The following RANBP17 variants were observed in gnomAD, a reference collection of about 807,000 sequenced individuals.
RANBP17 encodes the protein ran-binding protein 17.
Under a neutral mutation model 141.2 loss-of-function variants are expected in RANBP17, and 158 were observed. That is an observed-to-expected ratio of 1.12 (90% CI 0.98 to 1.28). The LOEUF (loss-of-function observed/expected upper bound fraction) is 1.28. Among genes scored for constraint, RANBP17 ranks in the 50% most tolerant of loss-of-function variants. The pLI, the probability that RANBP17 is intolerant of heterozygous loss-of-function variation, is 0.00. For missense variants in RANBP17, 1,438 were observed against 1,290.7 expected, an observed-to-expected ratio of 1.11 and a Z score of -1.75; for synonymous variants, 430 against 450.0, an observed-to-expected ratio of 0.96 and a Z score of 0.56.
At chr5:170,894,604 C>T (rs1769953450) in intron 4 of RANBP17, among the ~76,000 whole-genome samples, 1 of 151,154 alleles carries the variant, frequency 6.6e-6, no homozygotes, top group Non-Finnish European at 1.5e-5. Flanking sequence ...GTATTAGCAG[C>T]TTTTGTGAAT....
intron 14 of RANBP17, among the ~76,000 whole-genome samples, chr5:170,997,237 G>T (rs1778877549): frequency 6.6e-6 from 1 of 152,182 alleles, no homozygotes; most frequent in African/African-American, 2.4e-5. Flanking sequence ...GCAGAACTGG[G>T]AGTCAATTAA....
intron 24 of RANBP17, among the ~76,000 whole-genome samples, chr5:171,264,502 A>G (rs1561812080): frequency 6.6e-6 from 1 of 152,190 alleles, no homozygotes. Context: ...ACAATGGACA[A>G]GTCACCTAAG....
Position 171,242,688 on chromosome 5 carries a change from C to T in RANBP17, c.2644C>T (p.Arg882Trp), listed in dbSNP as rs149760083. The T allele has an allele frequency of 1.0e-3, 1,673 of 1,613,256 alleles. 1 individual carries two copies. Among genetic ancestry groups the T allele is most frequent in the Non-Finnish European group, 1.3e-3 (1,504 of 1,179,746 alleles). The part of the protein sequence containing the change: ...SVSHSDLLQY[R>W]KLSQSYYPLL... ...GTATATCTCTGTGTTGTAGCAATAC[C>T]GGAAACTGAGCCAGTCTTATTATCC... is the stretch of plus-strand genomic sequence containing the variant. Residue 882 changes from arginine to tryptophan, a missense_variant, in exon 24 of 28, where the codon CGG becomes TGG. By Grantham distance (101) the Arg-to-Trp change is moderately radical (BLOSUM62 -3). Coordinates refer to ENST00000523189, the MANE Select transcript of RANBP17 (RefSeq NM_022897.5).
At chr5:171,178,735 T>G (rs1307467111) in intron 16 of RANBP17, among the ~76,000 whole-genome samples, 1 of 152,216 alleles carries the variant, frequency 6.6e-6, no homozygotes, top group Non-Finnish European at 1.5e-5. Flanking sequence ...AGATGGTATC[T>G]CATTGTGGTT....
intron 13 of RANBP17, among the ~76,000 whole-genome samples, chr5:170,967,458 G>C (rs1179927601): frequency 6.6e-6 from 1 of 151,800 alleles, no homozygotes; most frequent in Non-Finnish European, 1.5e-5. Context: ...GTTAGCACAA[G>C]GTACTTGGCG....
At chr5:171,172,837 T>C (rs1225052477) in intron 16 of RANBP17, among the ~76,000 whole-genome samples, 1 of 151,866 alleles carries the variant, frequency 6.6e-6, no homozygotes, top group African/African-American at 2.4e-5. Context: ...TCTATCCTAT[T>C]AAGCCTATTA....
intron 24 of RANBP17, among the ~76,000 whole-genome samples, chr5:171,261,082 A>AC (rs1554125336): frequency 0.027 from 843 of 31,726 alleles, 11 homozygotes; most frequent in African/African-American, 0.049. Flanking sequence ...TTCACCCCCC[A>AC]CCCCCCCCAA....
intron 20 of RANBP17, among the ~76,000 whole-genome samples, chr5:171,210,333 CCTCT>C (rs553581845): frequency 3.2e-4 from 48 of 152,130 alleles, no homozygotes; most frequent in Non-Finnish European, 5.6e-4. Context: ...GTGGCAGTCA[CCTCT>C]GTCAGAAGCA....
chr5:171,122,731 G>A (rs1399922459), intron 14 of RANBP17, among the ~76,000 whole-genome samples: 2 of 152,156 alleles, frequency 1.3e-5, no homozygotes, highest in Non-Finnish European at 2.9e-5. Flanking sequence ...TGTAGTCCAC[G>A]CAGTGGCATT....
intron 13 of RANBP17, among the ~76,000 whole-genome samples, chr5:170,965,318 G>A (rs1019736691): frequency 1.3e-5 from 2 of 151,046 alleles, no homozygotes; most frequent in African/African-American, 4.9e-5. Flanking sequence ...AGATGAGTAG[G>A]TTGCGAAAAT....
intron 14 of RANBP17, among the ~76,000 whole-genome samples, chr5:170,973,427 C>G (rs1272514964): frequency 6.6e-6 from 1 of 151,996 alleles, no homozygotes; most frequent in African/African-American, 2.4e-5. Context: ...AAGCTAAGCT[C>G]TAAACTCAGA....
At chr5:170,868,911 C>A (rs1767486468) in intron 1 of RANBP17, among the ~76,000 whole-genome samples, 1 of 152,152 alleles carries the variant, frequency 6.6e-6, no homozygotes, top group African/African-American at 2.4e-5. Context: ...CTTTATACGT[C>A]TAGATAATAC....
intron 16 of RANBP17, among the ~76,000 whole-genome samples, chr5:171,173,681 G>C (rs1418221386): frequency 6.6e-6 from 1 of 152,100 alleles, no homozygotes; most frequent in African/African-American, 2.4e-5. Flanking sequence ...CCTTAAAGCA[G>C]TAGTCTCAGA....
intron 14 of RANBP17, among the ~76,000 whole-genome samples, chr5:171,001,702 T>C (rs1779210000): frequency 6.6e-6 from 1 of 152,030 alleles, no homozygotes; most frequent in Non-Finnish European, 1.5e-5. Flanking sequence ...TCCTGAAGAT[T>C]GAGGATGGTA....
At chr5:170,989,199 G>A (rs1778346109) in intron 14 of RANBP17, among the ~76,000 whole-genome samples, 1 of 151,736 alleles carries the variant, frequency 6.6e-6, no homozygotes, top group Non-Finnish European at 1.5e-5. Flanking sequence ...ATTGACTTAA[G>A]TATCTTGCTT....
At chr5:171,230,717 G>A (rs1291677456) in intron 22 of RANBP17, among the ~76,000 whole-genome samples, 4 of 152,026 alleles carry the variant, frequency 2.6e-5, no homozygotes, top group Non-Finnish European at 4.4e-5. Flanking sequence ...AGCTGAGATC[G>A]CACCTTTGCA....
At chr5:171,046,205 CTT>C (rs1203505195) in intron 14 of RANBP17, among the ~76,000 whole-genome samples, 8 of 131,304 alleles carry the variant, frequency 6.1e-5, no homozygotes, top group Middle Eastern at 3.8e-3. Context: ...ATAGTTCTGC[CTT>C]TTTTTTTTTT....
chr5:171,124,025 T>TC (rs1380799180), intron 14 of RANBP17, among the ~76,000 whole-genome samples: 5 of 150,696 alleles, frequency 3.3e-5, no homozygotes, highest in African/African-American at 9.8e-5. Context: ...AAGTAACAGA[T>TC]CCCCAAAAAA....
intron 14 of RANBP17, among the ~76,000 whole-genome samples, chr5:171,096,226 T>C (rs1191730071): frequency 6.6e-6 from 1 of 152,170 alleles, no homozygotes; most frequent in Non-Finnish European, 1.5e-5. Flanking sequence ...GAAACACATA[T>C]AAAAATAATG....
Sources: gnomAD v4.1 joint callset for allele counts (sites outside exome capture counted in the v4.1 genomes callset) on GRCh38, gnomAD v4.1.1 for gene constraint, MANE v1.5 for transcripts, NCBI Gene and HGNC (gene_info 2026-07-23, HGNC 2026-07-21) for gene names.